Variants in PRKN observed in about 807,000 individuals in gnomAD.
PRKN encodes E3 ubiquitin-protein ligase parkin.
Under a neutral mutation model 59.5 loss-of-function variants are expected in PRKN, and 56 were observed. The observed-to-expected ratio is 0.94, with a 90% CI of 0.76 to 1.18. The LOEUF is 1.18. PRKN is among the 50% of genes most tolerant of loss of function. The pLI is 0.00. For missense variants in PRKN, 657 were observed against 596.4 expected (o/e 1.10, Z -1.06); for synonymous variants, 250 against 222.1 (o/e 1.13, Z -1.12).
chr6:161,972,071 C>T (rs1021996238), intron 6 of PRKN, among the ~76,000 whole-genome samples: 55 of 152,100 alleles, frequency 3.6e-4, no homozygotes, highest in African/African-American at 1.3e-3. Context: ...GTCAGGAGTT[C>T]GAGACCAGCC....
chr6:162,623,091 C>A (rs927930353), intron 1 of PRKN, among the ~76,000 whole-genome samples: 3 of 152,196 alleles, frequency 2.0e-5, no homozygotes, highest in African/African-American at 7.2e-5. Flanking sequence ...AAACTGGAAA[C>A]CCAGTCATTA....
intron 4 of PRKN, among the ~76,000 whole-genome samples, chr6:162,166,047 C>CAAAAAAAAAAAAAAAAAAAAAAA (rs10557222): frequency 2.0e-4 from 16 of 80,238 alleles, no homozygotes; most frequent in African/African-American, 7.2e-4. Flanking sequence ...GACTCTATCT[C>CAAAAAAAAAAAAAAAAAAAAAAA]AAAAAAAAAA....
chr6:161,807,620 T>C (rs1157244852), intron 6 of PRKN, among the ~76,000 whole-genome samples: 1 of 152,152 alleles, frequency 6.6e-6, no homozygotes, highest in Non-Finnish European at 1.5e-5. Context: ...CCAGCAATCT[T>C]TCACATTCCT....
At chr6:162,239,454 T>C (rs760913063) in intron 3 of PRKN, among the ~76,000 whole-genome samples, 16 of 152,016 alleles carry the variant, frequency 1.1e-4, no homozygotes, top group Non-Finnish European at 2.4e-4. Context: ...ATTTTATAGA[T>C]GATTAAATAG....
chr6:161,683,325 G>T (rs1785440333), intron 7 of PRKN, among the ~76,000 whole-genome samples: 1 of 152,188 alleles, frequency 6.6e-6, no homozygotes. Flanking sequence ...GGGAAAAGAG[G>T]ACTGGAGTGT....
chr6:161,555,581 T>A (rs1179391477), intron 8 of PRKN, among the ~76,000 whole-genome samples: 2 of 152,210 alleles, frequency 1.3e-5, no homozygotes, highest in Non-Finnish European at 2.9e-5. Flanking sequence ...TTAACCGGAC[T>A]ATCTCCTTCC....
chr6:161,896,950 T>C (rs1485171601), intron 6 of PRKN, among the ~76,000 whole-genome samples: 2 of 152,200 alleles, frequency 1.3e-5, no homozygotes, highest in African/African-American at 4.8e-5. Flanking sequence ...GTACAGCACA[T>C]TGTGGTGTAA....
At chr6:162,081,159 G>A (rs562474038) in intron 4 of PRKN, among the ~76,000 whole-genome samples, 12 of 152,022 alleles carry the variant, frequency 7.9e-5, no homozygotes, top group African/African-American at 1.4e-4. Context: ...GGTTAGAATC[G>A]ACTTCTTCCA....
intron 7 of PRKN, among the ~76,000 whole-genome samples, chr6:161,674,740 C>G (rs989400265): frequency 6.6e-6 from 1 of 152,182 alleles, no homozygotes; most frequent in Admixed American, 6.5e-5. Flanking sequence ...ATCATATAAT[C>G]TGTGACATCT....
intron 1 of PRKN, among the ~76,000 whole-genome samples, chr6:162,556,576 T>A (rs1893106): frequency 0.3 from 44,954 of 151,046 alleles, 7,105 homozygotes; most frequent in East Asian, 0.49. Flanking sequence ...GTGAAACCCC[T>A]TCTCTACTAA....
chr6:162,468,753 C>T (rs1297377760), intron 1 of PRKN, among the ~76,000 whole-genome samples: 2 of 152,208 alleles, frequency 1.3e-5, no homozygotes, highest in African/African-American at 2.4e-5. Flanking sequence ...AGTGTGGTCT[C>T]TTACCTAGAA....
Position 162,679,113 on chromosome 6 carries a change from A to ATTTATTT in PRKN, c.7+48548_7+48549insAAATAAA, listed in dbSNP as rs376603751. 9.2e-3 allele frequency among the ~76,000 whole-genome samples: 418 copies of ATTTATTT among 45,644 alleles called. 1 individual carries two copies. The highest frequency in any genetic ancestry group is 0.018 in the African/African-American group (263 of 14,856). The allele number at this position is 45,644 out of a possible 152,430, so 29.9% of individuals were successfully genotyped here. On this transcript the variant is annotated intron_variant, in intron 1 of 11. Transcript: ENST00000366898. ...TTATTTATTTATTTATTTATTTATG[A>ATTTATTT]ATGAATGAGACAGTTTCGCCCTGTT... is the stretch of plus-strand genomic sequence containing the variant.
At chr6:161,406,620 G>A (rs904009796) in intron 9 of PRKN, among the ~76,000 whole-genome samples, 2 of 152,122 alleles carry the variant, frequency 1.3e-5, no homozygotes, top group African/African-American at 4.8e-5. Context: ...AAGGAAATAT[G>A]TTTTGGGTTA....
At chr6:162,185,052 C>T (rs1783967017) in intron 4 of PRKN, among the ~76,000 whole-genome samples, 1 of 152,124 alleles carries the variant, frequency 6.6e-6, no homozygotes, top group South Asian at 2.1e-4. Context: ...ACAAAAGTGG[C>T]ATCGTTATGA....
intron 1 of PRKN, among the ~76,000 whole-genome samples, chr6:162,475,531 A>AT (rs949271886): frequency 6.0e-4 from 91 of 152,280 alleles, no homozygotes; most frequent in African/African-American, 2.1e-3. Flanking sequence ...GCGCAGGTAC[A>AT]TGCATGTATG....
At chr6:161,990,502 A>G (rs1397853586) in intron 5 of PRKN, among the ~76,000 whole-genome samples, 1 of 152,370 alleles carries the variant, frequency 6.6e-6, no homozygotes, top group Non-Finnish European at 1.5e-5. Flanking sequence ...AAGATACGAA[A>G]TATCAGAAAA....
At chr6:162,592,589 G>C (rs2128214584) in intron 1 of PRKN, among the ~76,000 whole-genome samples, 1 of 152,216 alleles carries the variant, frequency 6.6e-6, no homozygotes, top group African/African-American at 2.4e-5. Context: ...AATCTGCAAA[G>C]AGTAAAACAG....
At chr6:161,572,091 C>T (rs1473922776) in intron 7 of PRKN, among the ~76,000 whole-genome samples, 1 of 152,140 alleles carries the variant, frequency 6.6e-6, no homozygotes, top group African/African-American at 2.4e-5. Context: ...GTGAGCCCTT[C>T]CCCCAGTAAA....
At chr6:162,216,222 A>T (rs1236400585) in intron 3 of PRKN, among the ~76,000 whole-genome samples, 2 of 151,884 alleles carry the variant, frequency 1.3e-5, no homozygotes, top group Non-Finnish European at 2.9e-5. Flanking sequence ...TTCAGTGAAA[A>T]GTCCTTCTTT....
Sources: allele counts gnomAD v4.1 joint callset (sites outside exome capture counted in the v4.1 genomes callset), GRCh38; gene constraint gnomAD v4.1.1; transcripts MANE v1.5; gene names NCBI Gene and HGNC (gene_info 2026-07-23, HGNC 2026-07-21).